EXT1: variants seen among roughly 807,000 people sequenced by gnomAD.
EXT1 encodes the protein exostosin-1.
EXT1 carries 20 observed loss-of-function variants against 82.5 expected under a neutral mutation model. The observed-to-expected ratio is 0.24, with a 90% CI of 0.17 to 0.35. The LOEUF is 0.35. EXT1 is among the 10% of genes least tolerant of loss of function. The pLI, the probability that EXT1 is intolerant of heterozygous loss-of-function variation, is 1.00. For synonymous variants in EXT1, 348 were observed against 350.8 expected (o/e 0.99, Z 0.09); for missense variants, 757 against 936.5 (o/e 0.81, Z 2.50).
At chr8:117,800,062 T>A (rs1428905667) in intron 10 of EXT1, among the ~76,000 whole-genome samples, 165 bp from the exon 11 acceptor site, 1 of 152,194 alleles carries the variant, frequency 6.6e-6, no homozygotes, top group Non-Finnish European at 1.5e-5. Flanking sequence ...CAATCGCTGA[T>A]ATTGGTTTTT....
At chr8:117,925,038 A>G (rs1044055850) in intron 1 of EXT1, among the ~76,000 whole-genome samples, 4 of 152,214 alleles carry the variant, frequency 2.6e-5, no homozygotes, top group African/African-American at 9.6e-5. Flanking sequence ...ATGGAGAAAA[A>G]AAATTCCAAA....
intron 1 of EXT1, among the ~76,000 whole-genome samples, chr8:118,094,653 T>C (rs572601247): frequency 3.9e-5 from 6 of 152,200 alleles, no homozygotes; most frequent in Admixed American, 2.6e-4. Flanking sequence ...TTGAAATTGT[T>C]ATCTCCATTT....
intron 1 of EXT1, among the ~76,000 whole-genome samples, chr8:118,103,994 CTGTT>C (rs1817767770): frequency 6.6e-6 from 1 of 152,308 alleles, no homozygotes. Flanking sequence ...GGGAGAAACT[CTGTT>C]TGATTCTTTA....
intron 1 of EXT1, among the ~76,000 whole-genome samples, chr8:118,044,293 A>C (rs1471112546): frequency 2.6e-5 from 4 of 152,240 alleles, no homozygotes; most frequent in Non-Finnish European, 5.9e-5. Flanking sequence ...TAAGTCACAC[A>C]GTTAATGGTT....
chr8:117,937,453 T>C (rs1475325130), intron 1 of EXT1, among the ~76,000 whole-genome samples: 2 of 152,214 alleles, frequency 1.3e-5, no homozygotes, highest in African/African-American at 2.4e-5. Flanking sequence ...TCAATTCAAA[T>C]GGAATTTTGC....
In EXT1 at chr8:117,858,782, C is replaced by CA. The variant is rs1162017341; in HGVS notation, c.963-21582dup. Among the ~76,000 whole-genome samples the CA allele has an allele frequency of 1.6e-3, 179 of 108,916 alleles. 2 individuals are homozygous for CA. The highest frequency in any genetic ancestry group is 2.2e-3 in the African/African-American group (45 of 20,628). 71.5% of individuals were successfully genotyped at this position (108,916 alleles called of 152,430 possible). On this transcript the variant is annotated intron_variant, in intron 1 of 10. Transcript: ENST00000378204. ...GAAGGAAGGAAGGCAGGCAGGCAGGCAGGCAGGCAAGGCAAGGCAAGGCAA... is the reference window on the plus strand; with the variant it reads ...GAAGGAAGGAAGGCAGGCAGGCAGGCAAGGCAGGCAAGGCAAGGCAAGGCAA...
At chr8:117,990,134 C>T (rs1413677676) in intron 1 of EXT1, among the ~76,000 whole-genome samples, 1 of 152,136 alleles carries the variant, frequency 6.6e-6, no homozygotes, top group Non-Finnish European at 1.5e-5. Context: ...GATTGCACCA[C>T]TGCACTCCAG....
chr8:118,074,095 TG>T (rs1456722962), intron 1 of EXT1, among the ~76,000 whole-genome samples: 17 of 77,834 alleles, frequency 2.2e-4, no homozygotes, highest in African/African-American at 8.1e-4. Flanking sequence ...GGGGTGGGAG[TG>T]GGGGTGAGGG....
At chr8:117,834,330 C>T (rs1201177280) in intron 3 of EXT1, among the ~76,000 whole-genome samples, 2 of 152,104 alleles carry the variant, frequency 1.3e-5, no homozygotes, top group East Asian at 1.9e-4. Context: ...AGAGGCCAGG[C>T]GCGGTGGCTC....
chr8:117,842,766 G>A (rs1179872590), intron 1 of EXT1, among the ~76,000 whole-genome samples: 1 of 152,186 alleles, frequency 6.6e-6, no homozygotes, highest in African/African-American at 2.4e-5. Flanking sequence ...TCTAATTGAA[G>A]GCTTTTGCCT....
intron 1 of EXT1, among the ~76,000 whole-genome samples, chr8:118,040,549 G>A (rs1343489213): frequency 2.0e-5 from 3 of 152,130 alleles, no homozygotes; most frequent in Non-Finnish European, 4.4e-5. Flanking sequence ...TGCTACAATT[G>A]CAACAAGGCA....
rs1429726403 is a variant in EXT1, at chr8:117,961,142, T to TTCCC, written c.963-123942_963-123941insGGGA. Among the ~76,000 whole-genome samples the TTCCC allele has an allele frequency of 8.0e-4, 121 of 151,178 alleles. 1 individual carries two copies. The South Asian group carries it at 0.025, about 31-fold the overall frequency. ...TTTCCCTCCTTCCCTCCTTCCCTCC[T>TTCCC]TCCTTCCTTCCCTCCCTTCTGTCTT... On this transcript the variant is annotated intron_variant, in intron 1 of 10. Transcript: ENST00000378204.
intron 1 of EXT1, among the ~76,000 whole-genome samples, chr8:118,019,701 A>G (rs754079872): frequency 6.6e-6 from 1 of 152,226 alleles, no homozygotes. Flanking sequence ...GTCACACACA[A>G]TTTTAAGCAC....
chr8:118,064,164 G>A (rs1442156705), intron 1 of EXT1, among the ~76,000 whole-genome samples: 3 of 151,960 alleles, frequency 2.0e-5, no homozygotes, highest in Admixed American at 6.6e-5. Context: ...GCGTCAAGTC[G>A]CTACACACTT....
At chr8:117,990,328 A>C (rs1259455869) in intron 1 of EXT1, among the ~76,000 whole-genome samples, 1 of 152,256 alleles carries the variant, frequency 6.6e-6, no homozygotes, top group African/African-American at 2.4e-5. Flanking sequence ...AAAAACTTTC[A>C]TTTTAAACTA....
intron 1 of EXT1, among the ~76,000 whole-genome samples, chr8:117,904,556 T>C (rs944293190): frequency 6.6e-6 from 1 of 152,208 alleles, no homozygotes. Context: ...TTTGTAGTTA[T>C]ATATGATAAA....
chr8:118,073,614 G>GGAAGA (rs142728766), intron 1 of EXT1, among the ~76,000 whole-genome samples: 22 of 139,968 alleles, frequency 1.6e-4, no homozygotes, highest in African/African-American at 5.4e-4. Flanking sequence ...AGAGAGGAAA[G>GGAAGA]GAAGAGAAGA....
intron 1 of EXT1, among the ~76,000 whole-genome samples, chr8:117,973,079 C>A (rs1814974316): frequency 6.6e-6 from 1 of 152,134 alleles, no homozygotes; most frequent in Admixed American, 6.5e-5. Flanking sequence ...CAAACACAAA[C>A]CATGTAGTAT....
At chr8:117,814,265 T>C (rs1451779738) in intron 7 of EXT1, among the ~76,000 whole-genome samples, 1 of 90,220 alleles carries the variant, frequency 1.1e-5, no homozygotes, top group East Asian at 3.4e-4. Context: ...GTGTGTGTGG[T>C]GGGGGCTTTG....
Sources: allele counts gnomAD v4.1 joint callset (sites outside exome capture counted in the v4.1 genomes callset), GRCh38; gene constraint gnomAD v4.1.1; transcripts MANE v1.5; gene names NCBI Gene and HGNC (gene_info 2026-07-23, HGNC 2026-07-21).